ADGRL3: variants seen among roughly 807,000 people sequenced by gnomAD.
ADGRL3 encodes adhesion G protein-coupled receptor L3.
ADGRL3 carries 62 observed loss-of-function variants against 153.5 expected under a neutral mutation model. The observed-to-expected ratio is 0.40, with a 90% confidence interval of 0.33 to 0.50. The LOEUF (loss-of-function observed/expected upper bound fraction) is 0.50, where lower values mean the gene tolerates loss of function less well. Among genes scored for constraint, ADGRL3 ranks in the 20% least tolerant of loss-of-function variants. ADGRL3 has a pLI of 0.47. For missense variants in ADGRL3, 1,641 were observed against 1,859.4 expected (o/e 0.88, Z 2.16); for synonymous variants, 710 against 672.5 (o/e 1.06, Z -0.86).
Position 61,370,417 on chromosome 4 carries a change from C to T in ADGRL3, c.-239-12707C>T, listed in dbSNP as rs1274134901. Among the ~76,000 whole-genome samples, 5 of 151,574 alleles carry T rather than the reference C, an allele frequency of 3.3e-5. No homozygotes were observed. In the East Asian group the frequency reaches 9.7e-4, roughly 29 times the overall value. ...CTGCTTTGAATGTGTCCCAGAGATT[C>T]TGGTATGTTGTGTCTTTGTTCTCGT... On this transcript the variant is annotated intron_variant, in intron 1 of 26. Transcript: ENST00000683033.
chr4:61,904,168 ATTG>A (rs1415434663), intron 11 of ADGRL3, among the ~76,000 whole-genome samples: 2 of 100,826 alleles, frequency 2.0e-5, no homozygotes, highest in Non-Finnish European at 4.1e-5. Context: ...GATTAAGTTT[ATTG>A]TTCATTAAAA....
At chr4:61,490,921 A>T (rs1253046346) in intron 2 of ADGRL3, among the ~76,000 whole-genome samples, 1 of 152,192 alleles carries the variant, frequency 6.6e-6, no homozygotes, top group East Asian at 1.9e-4. Context: ...GCATATGTGT[A>T]GGTTTCAGAC....
intron 4 of ADGRL3, among the ~76,000 whole-genome samples, chr4:61,523,022 C>A (rs1380787564): frequency 6.6e-6 from 1 of 151,302 alleles, no homozygotes; most frequent in Non-Finnish European, 1.5e-5. Flanking sequence ...AATTTCTATT[C>A]TCCTGATTTT....
At chr4:61,875,168 T>C (rs982523353) in intron 9 of ADGRL3, among the ~76,000 whole-genome samples, 1 of 152,216 alleles carries the variant, frequency 6.6e-6, no homozygotes, top group African/African-American at 2.4e-5. Context: ...CCCTTTGTTC[T>C]GTAGACCTGC....
At chr4:61,428,359 C>G (rs1409465732) in intron 2 of ADGRL3, 1 of 152,204 alleles carries the variant, frequency 6.6e-6, no homozygotes, top group African/African-American at 2.4e-5. Flanking sequence ...TGCTCCAACC[C>G]TGCTGTGTCA....
chr4:61,506,185 T>C (rs1466872426), intron 3 of ADGRL3, among the ~76,000 whole-genome samples: 1 of 152,052 alleles, frequency 6.6e-6, no homozygotes, highest in Non-Finnish European at 1.5e-5. Flanking sequence ...TACTTTGTTA[T>C]AGTATGAGGA....
chr4:61,830,763 A>G (rs1201761363), intron 9 of ADGRL3, among the ~76,000 whole-genome samples: 1 of 152,248 alleles, frequency 6.6e-6, no homozygotes, highest in African/African-American at 2.4e-5. Context: ...TTAATCTACA[A>G]TAGACATATT....
At chr4:61,596,400 A>C (rs1296862119) in intron 5 of ADGRL3, among the ~76,000 whole-genome samples, 1 of 152,204 alleles carries the variant, frequency 6.6e-6, no homozygotes, top group Non-Finnish European at 1.5e-5. Context: ...TTTGCTAATA[A>C]GTTATAAAAA....
At chr4:61,977,257 C>T (rs889928169) in intron 17 of ADGRL3, among the ~76,000 whole-genome samples, 20 of 148,308 alleles carry the variant, frequency 1.3e-4, no homozygotes, top group African/African-American at 4.5e-4. Context: ...CTTTTGGATA[C>T]ATTTGAGATG....
At chr4:61,287,154 C>T (rs549965342) in intron 1 of ADGRL3, among the ~76,000 whole-genome samples, 1 of 151,884 alleles carries the variant, frequency 6.6e-6, no homozygotes, top group African/African-American at 2.4e-5. Context: ...AAGATAGAAA[C>T]AGTCCAAGTA....
intron 2 of ADGRL3, among the ~76,000 whole-genome samples, chr4:61,488,458 T>G (rs1300111202): frequency 6.6e-6 from 1 of 151,948 alleles, no homozygotes; most frequent in Non-Finnish European, 1.5e-5. Flanking sequence ...TGAAGATAAA[T>G]AAGTCTTCCT....
chr4:61,208,337 T>C (rs891804618), intron 1 of ADGRL3, among the ~76,000 whole-genome samples: 3 of 152,184 alleles, frequency 2.0e-5, no homozygotes, highest in Non-Finnish European at 2.9e-5. Context: ...TTAACAATTG[T>C]ACCAAATTCA....
chr4:61,705,865 A>G (rs1418902525), intron 6 of ADGRL3, among the ~76,000 whole-genome samples: 1 of 152,180 alleles, frequency 6.6e-6, no homozygotes, highest in Non-Finnish European at 1.5e-5. Flanking sequence ...AGGTTAAAAT[A>G]CTGAGTAGAC....
intron 24 of ADGRL3, among the ~76,000 whole-genome samples, chr4:62,042,583 T>G (rs560484180): frequency 1.1e-4 from 17 of 151,630 alleles, no homozygotes; most frequent in South Asian, 4.2e-4. Flanking sequence ...ACAGGGGAGA[T>G]TAATAGGAGA....
intron 5 of ADGRL3, among the ~76,000 whole-genome samples, chr4:61,601,122 G>T (rs994948246): frequency 2.6e-5 from 4 of 151,886 alleles, no homozygotes; most frequent in Non-Finnish European, 5.9e-5. Flanking sequence ...TAAGAATGTT[G>T]TTACTTTTTT....
At chr4:61,358,576 G>A (rs565506845) in intron 1 of ADGRL3, among the ~76,000 whole-genome samples, 189 of 122,910 alleles carry the variant, frequency 1.5e-3, no homozygotes, top group African/African-American at 4.7e-3. Context: ...CAGCCTGGGC[G>A]ACAGAGCGAG....
At chr4:61,377,235 A>G (rs2096614528) in intron 1 of ADGRL3, among the ~76,000 whole-genome samples, 1 of 152,034 alleles carries the variant, frequency 6.6e-6, no homozygotes. Context: ...CCTACCTTAT[A>G]TGTGCAGACA....
chr4:61,946,963 A>G lies in ADGRL3; in HGVS notation c.2469A>G (p.Leu823=). ...FVLYNNLGPY[L]STENASMKLG... is the part of the protein sequence containing the mutation. The stretch of plus-strand genomic sequence containing the variant: ...TGTATAACAACTTGGGTCCTTATTT[A>G]TCCACGGAGAATGCCAGTATGAAGT... The change falls in exon 16 of 27, where the codon TTA becomes TTG. Residue 823 remains leucine (L), a synonymous_variant. Coordinates refer to ENST00000683033, the MANE Select transcript of ADGRL3 (RefSeq NM_001387552.1). The G allele has an allele frequency of 6.2e-7, 1 of 1,613,830 alleles. No individual in the cohort carries two copies. The highest frequency in any genetic ancestry group is 1.1e-5 in the South Asian group (1 of 91,084).
chr4:61,481,002 T>C (rs1427327401), intron 2 of ADGRL3, among the ~76,000 whole-genome samples: 4 of 152,258 alleles, frequency 2.6e-5, no homozygotes, highest in South Asian at 4.1e-4. Flanking sequence ...CAATAATCAA[T>C]ATTGATATCT....
Sources: allele counts gnomAD v4.1 joint callset (sites outside exome capture counted in the v4.1 genomes callset), GRCh38; gene constraint gnomAD v4.1.1; transcripts MANE v1.5; gene names NCBI Gene and HGNC (gene_info 2026-07-23, HGNC 2026-07-21).